The following PPIL4 variants were observed in gnomAD, a reference collection of about 807,000 sequenced individuals.
The protein encoded by PPIL4 is peptidyl-prolyl cis-trans isomerase-like 4.
In PPIL4, 50 loss-of-function variants were observed where a neutral mutation model predicts 69.1. That is an observed-to-expected ratio of 0.72 (90% CI 0.58 to 0.92). The LOEUF is 0.92. Among genes scored for constraint, PPIL4 ranks in the 40% least tolerant of loss-of-function variants. The pLI is 0.00. For missense variants in PPIL4, 480 were observed against 587.9 expected (o/e 0.82, Z 1.90); for synonymous variants, 193 against 191.6 (o/e 1.01, Z -0.06).
chr6:149,512,110 T>C, intron 12 of PPIL4, 45 bp downstream of exon 12: 1 of 1,460,398 alleles, frequency 6.8e-7, no homozygotes, highest in Non-Finnish European at 9.3e-7. Flanking sequence ...TACAGAGGGA[T>C]AAAATATTTA....
chr6:149,517,492 C>T (rs1776965681), intron 10 of PPIL4, 42 bp from the exon 11 acceptor site: 2 of 927,786 alleles, frequency 2.2e-6, no homozygotes, highest in Non-Finnish European at 3.3e-6. Flanking sequence ...GTAAAAAAAC[C>T]ACCTAACCAA....
At chr6:149,530,223 G>C (rs1777175183) in intron 7 of PPIL4, among the ~76,000 whole-genome samples, 1 of 152,164 alleles carries the variant, frequency 6.6e-6, no homozygotes, top group African/African-American at 2.4e-5. Flanking sequence ...GGGGGAAAGA[G>C]GGAGGGAGTA....
chr6:149,527,272 C>T (rs1462827698), intron 7 of PPIL4, among the ~76,000 whole-genome samples: 2 of 152,212 alleles, frequency 1.3e-5, no homozygotes, highest in African/African-American at 2.4e-5. Flanking sequence ...GCAGTAGAAT[C>T]GCTTGAACCC....
intron 10 of PPIL4, among the ~76,000 whole-genome samples, chr6:149,519,434 A>G (rs1192838735): frequency 6.6e-6 from 1 of 152,242 alleles, no homozygotes; most frequent in Non-Finnish European, 1.5e-5. Context: ...CACTTTGAAT[A>G]TACTTACTGG....
chr6:149,504,585 A>G lies in PPIL4; in HGVS notation c.*868T>C, dbSNP rs1350997811. On this transcript the variant is annotated 3_prime_UTR_variant, in exon 13 of 13. Coordinates refer to ENST00000253329, the MANE Select transcript of PPIL4 (RefSeq NM_139126.4). ...ACATCTTACACATGGAAGAGCAGAG[A>G]TAACAGTAATCTTGCTGGAAATCAC... 4 of 152,212 alleles carry G rather than the reference A, an allele frequency of 2.6e-5. No homozygotes were observed. The highest frequency in any genetic ancestry group is 2.9e-5 in the Non-Finnish European group (2 of 68,040). The allele number at this position is 152,212 out of a possible 1,614,324, so 9.4% of individuals were successfully genotyped here. A position where few individuals can be genotyped will look rare whatever the true frequency, so the allele number is the denominator to read the frequency against.
chr6:149,534,556 T>C, intron 6 of PPIL4, 122 bp downstream of exon 6: 1 of 547,394 alleles, frequency 1.8e-6, no homozygotes. Flanking sequence ...AACTCCAAAC[T>C]TGTTGAATAT....
chr6:149,541,449 CTTTGTTAATTCACAGAG>C lies in PPIL4; in HGVS notation c.139-35_139-19del. On this transcript the variant is annotated intron_variant, in intron 2 of 12. Coordinates refer to ENST00000253329, the MANE Select transcript of PPIL4 (RefSeq NM_139126.4). The stretch of plus-strand genomic sequence containing the variant: ...AAATCCCTCTGTAATATGTAGGATT[CTTTGTTAATTCACAGAG>C]TTTGTTAGATAGTTCCAATAACAAA... The C allele has an allele frequency of 1.3e-6, 2 of 1,571,176 alleles. No individual in the cohort carries two copies. Among genetic ancestry groups the C allele is most frequent in the Non-Finnish European group, 1.7e-6 (2 of 1,145,560 alleles).
chr6:149,526,637 A>G lies in PPIL4; in HGVS notation c.803+15T>C, dbSNP rs759331122. On this transcript the variant is annotated intron_variant, in intron 8 of 12. Coordinates refer to ENST00000253329, the MANE Select transcript of PPIL4 (RefSeq NM_139126.4). ...AGTTTTTCTAAATATCTCTTTCACT[A>G]ATTCTAAGGATTACCTTCTTATTGG... 12 of 1,594,034 alleles carry G rather than the reference A, an allele frequency of 7.5e-6. No individual in the cohort carries two copies. The East Asian group carries it at 2.0e-4, about 27-fold the overall frequency.
intron 6 of PPIL4, 64 bp from the exon 7 acceptor site, chr6:149,533,638 G>C (rs545091279): frequency 1.1e-6 from 1 of 908,828 alleles, no homozygotes; most frequent in South Asian, 1.5e-5. Flanking sequence ...AAACATAGAA[G>C]ACATACTTTA....
Position 149,535,665 on chromosome 6 carries a change from C to T in PPIL4, c.395G>A (p.Gly132Asp). ...ATTAATTTTCTTAATTATGTCCATG[C>T]CTTCTGTCACCTCACCAAACACCGT... Reference protein sequence around the residue: ...VHTVFGEVTEGMDIIKKINET... With the variant: ...VHTVFGEVTEDMDIIKKINET... Residue 132 changes from glycine (G) to aspartate (D), a missense_variant, in exon 5 of 13, where the codon GGC (glycine) becomes GAC (aspartate). Transcript: ENST00000253329. 6.2e-7 allele frequency: 1 copy of T among 1,610,788 alleles called. No homozygotes were observed. Among genetic ancestry groups the T allele is most frequent in the Non-Finnish European group, 8.5e-7 (1 of 1,177,188 alleles).
chr6:149,543,836 G>T (rs1041165332), intron 1 of PPIL4, among the ~76,000 whole-genome samples: 1 of 152,048 alleles, frequency 6.6e-6, no homozygotes, highest in African/African-American at 2.4e-5. Context: ...AACAAAGCTG[G>T]TCATGTGGAC....
In PPIL4 at chr6:149,505,270, C is replaced by A; in HGVS notation, c.*183G>T. On this transcript the variant is annotated 3_prime_UTR_variant, in exon 13 of 13. Coordinates refer to ENST00000253329, the MANE Select transcript of PPIL4 (RefSeq NM_139126.4). ...AATAAAATTAGTGTAAAAAAGTATA[C>A]AAAGAAAATGTTCAATTCTTTATCT... 4.1e-6 allele frequency: 2 copies of A among 488,626 alleles called. No individual in the cohort carries two copies. Among genetic ancestry groups the A allele is most frequent in the Non-Finnish European group, 3.5e-6 (1 of 284,798 alleles). The allele number at this position is 488,626 out of a possible 1,614,324, so 30.3% of individuals were successfully genotyped here.
At chr6:149,526,024 G>A (rs1192091524) in intron 8 of PPIL4, among the ~76,000 whole-genome samples, 3 of 152,030 alleles carry the variant, frequency 2.0e-5, no homozygotes, top group East Asian at 1.9e-4. Context: ...ACTTGAACCC[G>A]GGAGGCAGAG....
chr6:149,515,848 T>A (rs1229282881), intron 11 of PPIL4, among the ~76,000 whole-genome samples: 1 of 152,242 alleles, frequency 6.6e-6, no homozygotes, highest in African/African-American at 2.4e-5. Context: ...TGAGGTCTAG[T>A]TGGGCCAAGT....
At chr6:149,522,568 A>T (rs1777044841) in intron 9 of PPIL4, among the ~76,000 whole-genome samples, 1 of 152,116 alleles carries the variant, frequency 6.6e-6, no homozygotes, top group African/African-American at 2.4e-5. Context: ...TTTTTTTATT[A>T]TTTTTTTCAT....
At chr6:149,514,282 A>G (rs1776910336) in intron 11 of PPIL4, among the ~76,000 whole-genome samples, 1 of 152,144 alleles carries the variant, frequency 6.6e-6, no homozygotes, top group South Asian at 2.1e-4. Context: ...GCTCCCACCT[A>G]TGATTTCATC....
At chr6:149,534,655 A>T in intron 6 of PPIL4, 23 bp downstream of exon 6, 1 of 1,162,842 alleles carries the variant, frequency 8.6e-7, no homozygotes. Context: ...ATGTACATTT[A>T]ATCATAAGAG....
At chr6:149,544,508 TTGAGCG>T (rs2115042670) in intron 1 of PPIL4, among the ~76,000 whole-genome samples, 1 of 152,346 alleles carries the variant, frequency 6.6e-6, no homozygotes, top group African/African-American at 2.4e-5. Context: ...GTTTACATTC[TTGAGCG>T]AGGGCACGCT....
intron 12 of PPIL4, among the ~76,000 whole-genome samples, chr6:149,511,219 C>T (rs1235376537): frequency 1.3e-5 from 2 of 151,116 alleles, no homozygotes; most frequent in Non-Finnish European, 2.9e-5. Context: ...AAGCAAGGAG[C>T]TCTGATGTAA....
Sources: gnomAD v4.1 joint callset for allele counts (sites outside exome capture counted in the v4.1 genomes callset) on GRCh38, gnomAD v4.1.1 for gene constraint, MANE v1.5 for transcripts, NCBI Gene and HGNC (gene_info 2026-07-23, HGNC 2026-07-21) for gene names.